The following DACH2 variants were observed in gnomAD, a reference collection of about 807,000 sequenced individuals.
DACH2 encodes the protein dachshund family transcription factor 2.
A neutral mutation model predicts 35.8 loss-of-function variants in DACH2; 17 were observed. That is an observed-to-expected ratio of 0.48 (90% confidence interval 0.33 to 0.71). The LOEUF (loss-of-function observed/expected upper bound fraction) is 0.71, where lower values mean the gene tolerates loss of function less well. Among genes scored for constraint, DACH2 ranks in the 30% least tolerant of loss-of-function variants. The pLI is 0.02. For missense variants in DACH2, 469 were observed against 472.7 expected (o/e 0.99, Z 0.07); for synonymous variants, 195 against 177.3 (o/e 1.10, Z -0.79).
chrX:86,545,091 C>T (rs1188348035), intron 3 of DACH2, among the ~76,000 whole-genome samples: 1 of 111,989 alleles, frequency 8.9e-6, no homozygotes, highest in Non-Finnish European at 1.9e-5. Context: ...CACCATGCAT[C>T]GCCTTGCATG....
intron 1 of DACH2, among the ~76,000 whole-genome samples, chrX:86,215,418 G>A (rs1357651691): frequency 1.8e-5 from 2 of 111,711 alleles, no homozygotes; most frequent in Admixed American, 1.9e-4. Context: ...TTTAGCCATA[G>A]CTCGTCATAT....
chrX:86,191,039 T>G (rs925625168), intron 1 of DACH2, among the ~76,000 whole-genome samples: 7 of 112,271 alleles, frequency 6.2e-5, no homozygotes, highest in African/African-American at 2.3e-4. Flanking sequence ...GGAATGTAAA[T>G]TAGTTCAGCC....
rs145034041 is a variant in DACH2 at position 86,751,863 on chromosome X, T to C, written c.1240+11981T>C. 3.9e-3 allele frequency among the ~76,000 whole-genome samples: 438 copies of C among 111,774 alleles called. 3 individuals carry two copies. Among genetic ancestry groups the C allele is most frequent in the African/African-American group, 0.014 (417 of 30,830 alleles). ...AGCTGCCCATCAACAGTGGATTGGA[T>C]AAAGAAAATGTGCTACATATACAAC... On this transcript the variant is annotated intron_variant, in intron 7 of 11. Transcript: ENST00000373125.
intron 2 of DACH2, among the ~76,000 whole-genome samples, chrX:86,424,061 G>A (rs749918950): frequency 9.0e-6 from 1 of 110,863 alleles, no homozygotes; most frequent in East Asian, 2.8e-4. Context: ...TTTTATGCCA[G>A]TACCATCTTG....
At chrX:86,465,777 G>C (rs1198078536) in intron 2 of DACH2, among the ~76,000 whole-genome samples, 1 of 111,961 alleles carries the variant, frequency 8.9e-6, no homozygotes, top group African/African-American at 3.2e-5. Flanking sequence ...TGGATAATAT[G>C]TTTGTTTTGC....
At chrX:86,743,052 A>T (rs2041673660) in intron 7 of DACH2, among the ~76,000 whole-genome samples, 1 of 111,386 alleles carries the variant, frequency 9.0e-6, no homozygotes, top group Admixed American at 9.6e-5. Flanking sequence ...ATGATTCACC[A>T]TTTGCTGGTT....
intron 1 of DACH2, among the ~76,000 whole-genome samples, chrX:86,360,483 AG>A (rs1442245028): frequency 8.9e-6 from 1 of 111,885 alleles, no homozygotes; most frequent in Non-Finnish European, 1.9e-5. Context: ...CAAGAAAATA[AG>A]GTCATTGAAT....
chrX:86,172,561 C>T (rs2031159181), intron 1 of DACH2, among the ~76,000 whole-genome samples: 2 of 112,138 alleles, frequency 1.8e-5, no homozygotes, highest in African/African-American at 6.5e-5. Flanking sequence ...TGAGGCCTCA[C>T]AGTCTATTAC....
At chrX:86,473,805 T>G (rs1287974786) in intron 2 of DACH2, among the ~76,000 whole-genome samples, 1 of 111,769 alleles carries the variant, frequency 8.9e-6, no homozygotes, top group Non-Finnish European at 1.9e-5. Context: ...ATCTTAGCTT[T>G]GTGAACAGTA....
At chrX:86,689,374 T>C (rs80343814) in intron 4 of DACH2, among the ~76,000 whole-genome samples, 26,000 of 110,706 alleles carry the variant, frequency 0.23, 3,057 homozygotes, top group Middle Eastern at 0.41. Flanking sequence ...TACAATACAC[T>C]AAACCCTGAA....
intron 3 of DACH2, among the ~76,000 whole-genome samples, chrX:86,584,355 T>G (rs1016404883): frequency 9.0e-6 from 1 of 111,258 alleles, no homozygotes; most frequent in Admixed American, 9.6e-5. Flanking sequence ...CTGATACCTT[T>G]GCCATTTTTC....
chrX:86,695,093 T>C lies in DACH2; in HGVS notation c.845T>C (p.Ile282Thr). ...GCTGCACCTGGACCCCAACATGGAA[T>C]TGCTCATGCAGCCCTAGCTGGCCAG... ...PFAAPGPQHGIAHAALAGQPG... is the reference protein window; with the variant it reads ...PFAAPGPQHGTAHAALAGQPG... The change falls in exon 5 of 12, where the codon ATT (isoleucine) becomes ACT (threonine). Residue 282 changes from isoleucine (I) to threonine (T), a missense_variant. Transcript: ENST00000373125. 8.6e-7 allele frequency: 1 copy of C among 1,157,695 alleles called. No homozygotes were observed. The highest frequency in any genetic ancestry group is 1.2e-6 in the Non-Finnish European group (1 of 867,645).
At chrX:86,314,048 C>T (rs750562211) in intron 1 of DACH2, among the ~76,000 whole-genome samples, 19 of 110,745 alleles carry the variant, frequency 1.7e-4, no homozygotes, top group East Asian at 2.9e-4. Flanking sequence ...ACTTAATAAA[C>T]GTGTGTGTTC....
intron 2 of DACH2, among the ~76,000 whole-genome samples, chrX:86,397,500 C>T (rs1395506244): frequency 1.1e-4 from 12 of 111,388 alleles, no homozygotes; most frequent in African/African-American, 3.9e-4. Context: ...CAGTTTTTGT[C>T]CATTCAGTAT....
chrX:86,700,243 T>C (rs1269189457), intron 5 of DACH2, among the ~76,000 whole-genome samples: 7 of 111,320 alleles, frequency 6.3e-5, no homozygotes. Context: ...TTGTCTTTGG[T>C]TGGAGAGTTC....
intron 7 of DACH2, among the ~76,000 whole-genome samples, chrX:86,773,350 A>G (rs972833895): frequency 9.8e-5 from 11 of 111,742 alleles, no homozygotes; most frequent in African/African-American, 3.6e-4. Flanking sequence ...TGAGAGTAAA[A>G]TTTAGACATT....
rs1053761669 is a variant in DACH2 at position 86,176,546 on chromosome X, T to C, written c.488+27438T>C. ...AATGTATCTAAAATTTTGTACTATA[T>C]ATAATAATACTATCAGATTTTACGT... On this transcript the variant is annotated intron_variant, in intron 1 of 11. Transcript: ENST00000373125. Among the ~76,000 whole-genome samples the C allele has an allele frequency of 1.4e-4, 16 of 111,356 alleles. No homozygotes were observed. The East Asian group carries it at 1.7e-3, about 12-fold the overall frequency.
chrX:86,829,001 T>C (rs1406022228), intron 11 of DACH2: 1 of 112,260 alleles, frequency 8.9e-6, no homozygotes, highest in Non-Finnish European at 1.9e-5. Context: ...ACTGAGTTTT[T>C]ATCCATTTTC....
At chrX:86,639,391 TGACA>T (rs1376923375) in intron 3 of DACH2, among the ~76,000 whole-genome samples, 9 of 111,624 alleles carry the variant, frequency 8.1e-5, no homozygotes, top group African/African-American at 2.9e-4. Context: ...GTCTTCAGTC[TGACA>T]GACAGAGCTA....
Sources: allele counts gnomAD v4.1 joint callset (sites outside exome capture counted in the v4.1 genomes callset), GRCh38; gene constraint gnomAD v4.1.1; transcripts MANE v1.5; gene names NCBI Gene and HGNC (gene_info 2026-07-23, HGNC 2026-07-21).